Variants in ASMT observed in about 807,000 individuals in gnomAD.
ASMT encodes acetylserotonin O-methyltransferase.
A neutral mutation model predicts 41.3 loss-of-function variants in ASMT; 53 were observed. The observed-to-expected ratio is 1.28, with a 90% CI of 1.03 to 1.61. The LOEUF (loss-of-function observed/expected upper bound fraction) is 1.61. ASMT is among the 40% of genes most tolerant of loss of function. The probability of loss-of-function intolerance (pLI) is 0.00; values close to 1 mark genes in which losing one functional copy is unlikely to be tolerated. For synonymous variants in ASMT, 231 were observed against 184.8 expected, an observed-to-expected ratio of 1.25 and a Z score of -2.03; for missense variants, 531 against 441.3, an observed-to-expected ratio of 1.20 and a Z score of -1.82.
At chrX:1,636,705 C>G (rs1934979649) in intron 8 of ASMT, 145 bp downstream of exon 8, 9 of 1,257,840 alleles carry the variant, frequency 7.2e-6, no homozygotes, top group Middle Eastern at 2.7e-4. Flanking sequence ...AGATAACGAC[C>G]TGAAATAAAT....
Position 1,636,448 on chromosome X carries a change from C to G in ASMT, c.798C>G (p.Phe266Leu), listed in dbSNP as rs1165450598. Residue 266 changes from phenylalanine to leucine, a missense_variant, in exon 8 of 9, where the codon TTC becomes TTG. Physicochemically the swap from Phe to Leu is conservative, Grantham distance 22. Coordinates refer to ENST00000381241, the MANE Select transcript of ASMT (RefSeq NM_001171038.2). ...TGCCCTGTGTTCCAGGGGATTTCTT[C>G]AAAGACCCTCTTCCGGAAGCTGATC... Reference protein sequence around the residue: ...EQIDFQEGDFFKDPLPEADLY... With the variant: ...EQIDFQEGDFLKDPLPEADLY... 1.2e-6 allele frequency: 2 copies of G among 1,613,896 alleles called. No individual in the cohort carries two copies. The highest frequency in any genetic ancestry group is 1.1e-5 in the South Asian group (1 of 91,072).
At chrX:1,633,374 G>A (rs1344125104) in intron 7 of ASMT, 84 bp downstream of exon 7, 10 of 1,573,370 alleles carry the variant, frequency 6.4e-6, no homozygotes, top group Admixed American at 5.0e-5. Context: ...TGAAGAAGAT[G>A]TGATGTGGTT....
At chrX:1,636,764 A>G (rs1316980323) in intron 8 of ASMT, 1 of 306,038 alleles carries the variant, frequency 3.3e-6, no homozygotes, top group Non-Finnish European at 4.8e-6. Flanking sequence ...AGATGGAAAA[A>G]GTGAAAGGCC....
Position 1,636,972 on chromosome X carries a change from CAT to C in ASMT, c.910+413_910+414del, listed in dbSNP as rs1322587948. ...GTGAGGTCCATCCATCCTGATGGCA[CAT>C]GAGGATGTGGGCACAGCCTCTGTGT... On this transcript the variant is annotated intron_variant, in intron 8 of 8. Transcript: ENST00000381241. Among the ~76,000 whole-genome samples, 81 of 77,858 alleles carry C rather than the reference CAT, an allele frequency of 1.0e-3. 1 individual carries two copies. The highest frequency in any genetic ancestry group is 1.7e-3 in the African/African-American group (29 of 17,452). 51.1% of individuals were successfully genotyped at this position (77,858 alleles called of 152,430 possible).
At chrX:1,630,462 T>C (rs1239810271) in intron 5 of ASMT, among the ~76,000 whole-genome samples, 5 of 152,138 alleles carry the variant, frequency 3.3e-5, no homozygotes, top group Non-Finnish European at 7.4e-5. Flanking sequence ...CGCACCACTC[T>C]GTCAGGCTAA....
Position 1,636,500 on chromosome X carries a change from G to T in ASMT, c.850G>T (p.Asp284Tyr), listed in dbSNP as rs775053087. The stretch of plus-strand genomic sequence containing the variant: ...GTACATCCTGGCCAGGGTCCTCCAT[G>T]ACTGGGCAGACGGAAAGTGCTCACA... Reference protein sequence around the residue: ...DLYILARVLHDWADGKCSHLL... With the variant: ...DLYILARVLHYWADGKCSHLL... Residue 284 changes from aspartate to tyrosine, a missense_variant, in exon 8 of 9, where the codon GAC (aspartate) becomes TAC (tyrosine). Asp to Tyr is a radical substitution (Grantham distance 160). Coordinates refer to ENST00000381241, the MANE Select transcript of ASMT (RefSeq NM_001171038.2). 11 of 1,613,928 alleles carry T rather than the reference G, an allele frequency of 6.8e-6. No homozygotes were observed. Among genetic ancestry groups the T allele is most frequent in the Non-Finnish European group, 9.3e-6 (11 of 1,179,874 alleles).
chrX:1,642,616 C>T (rs751786627), intron 8 of ASMT, among the ~76,000 whole-genome samples, 187 bp from the exon 9 acceptor site: 1 of 152,160 alleles, frequency 6.6e-6, no homozygotes, highest in East Asian at 1.9e-4. Flanking sequence ...GGGACAGTGT[C>T]CCAGCGTCCT....
intron 7 of ASMT, among the ~76,000 whole-genome samples, chrX:1,636,040 C>T (rs1934946820): frequency 6.7e-6 from 1 of 150,188 alleles, no homozygotes; most frequent in South Asian, 2.1e-4. Context: ...ACTGCAAGCT[C>T]CGCCTCCCGG....
chrX:1,640,511 G>T (rs1603461896), intron 8 of ASMT, among the ~76,000 whole-genome samples: 1 of 58,742 alleles, frequency 1.7e-5, no homozygotes, highest in Non-Finnish European at 2.8e-5. Context: ...GATGCTTCAT[G>T]AGGACGTGGG....
intron 4 of ASMT, among the ~76,000 whole-genome samples, chrX:1,629,013 G>A (rs1420669768): frequency 7.1e-6 from 1 of 140,426 alleles, no homozygotes; most frequent in Non-Finnish European, 1.5e-5. Context: ...CCTTCTGCCT[G>A]CCTTCCTTCC....
intron 5 of ASMT, among the ~76,000 whole-genome samples, chrX:1,631,117 T>C (rs1199482864): frequency 2.6e-5 from 4 of 151,204 alleles, no homozygotes; most frequent in African/African-American, 9.7e-5. Context: ...GGTTTCTCCG[T>C]GTTAGCCAGG....
intron 7 of ASMT, among the ~76,000 whole-genome samples, chrX:1,633,891 G>C (rs1265224277): frequency 6.6e-6 from 1 of 151,986 alleles, no homozygotes; most frequent in Non-Finnish European, 1.5e-5. Context: ...GCCCACCTTG[G>C]CCTCCCAAAG....
intron 4 of ASMT, among the ~76,000 whole-genome samples, chrX:1,629,036 C>T (rs36141425): frequency 0.17 from 24,246 of 146,190 alleles, 2,034 homozygotes; most frequent in Middle Eastern, 0.27. Flanking sequence ...CCCTCCCTCC[C>T]TCCTTTCTTT....
chrX:1,633,800 G>A (rs771754600), intron 7 of ASMT, among the ~76,000 whole-genome samples: 5 of 151,984 alleles, frequency 3.3e-5, no homozygotes, highest in East Asian at 3.9e-4. Flanking sequence ...CACCACACCT[G>A]GCTAATCTTT....
rs376310694 is a variant in ASMT at position 1,615,233 on chromosome X, C to G, written c.34C>G (p.Leu12Val). 5 of 1,599,180 alleles carry G rather than the reference C, an allele frequency of 3.1e-6. No individual in the cohort carries two copies. In the African/African-American group the frequency reaches 4.0e-5, roughly 13 times the overall value. ...CTCAGAGGACCAGGCCTATCGCCTC[C>G]TTAATGACTACGCCAACGGCTTCAT... is the stretch of plus-strand genomic sequence containing the variant. Reference protein sequence around the residue: ...GSSEDQAYRLLNDYANGFMVS... With the variant: ...GSSEDQAYRLVNDYANGFMVS... Residue 12 changes from leucine to valine, a missense_variant, in exon 1 of 9, where the codon CTT becomes GTT. Transcript: ENST00000381241.
chrX:1,624,174 A>G (rs1934437799), intron 2 of ASMT, 95 bp from the exon 3 acceptor site: 2 of 1,482,294 alleles, frequency 1.3e-6, no homozygotes, highest in Non-Finnish European at 1.9e-6. Flanking sequence ...GCTTGTAATC[A>G]TGTTGAAATC....
chrX:1,628,552 C>A, intron 4 of ASMT, among the ~76,000 whole-genome samples: 1 of 152,094 alleles, frequency 6.6e-6, no homozygotes, highest in African/African-American at 2.4e-5. Flanking sequence ...CAAGGGGATG[C>A]CTGAGTGGTT....
Position 1,615,074 on chromosome X carries a change from A to G in ASMT, c.-126A>G, listed in dbSNP as rs1374008974. 1 of 775,818 alleles carries G rather than the reference A, an allele frequency of 1.3e-6. No individual in the cohort carries two copies. Among genetic ancestry groups the G allele is most frequent in the African/African-American group, 1.7e-5 (1 of 58,742 alleles). The allele number at this position is 775,818 out of a possible 1,614,324, so 48.1% of individuals were successfully genotyped here. A position where few individuals can be genotyped will look rare whatever the true frequency, so the allele number is the denominator to read the frequency against. On this transcript the variant is annotated 5_prime_UTR_variant, in exon 1 of 9. Transcript: ENST00000381241. Reference sequence around the variant, plus strand: ...ATCCGTCTTTGTTTGAGTACTGGGCAGGCAGCAGGGAGAGTCAGGCAGCAG... The same window carrying G: ...ATCCGTCTTTGTTTGAGTACTGGGCGGGCAGCAGGGAGAGTCAGGCAGCAG...
intron 1 of ASMT, among the ~76,000 whole-genome samples, chrX:1,622,400 C>T (rs574258001): frequency 6.6e-6 from 1 of 151,800 alleles, no homozygotes; most frequent in African/African-American, 2.4e-5. Context: ...AAGCGATTCT[C>T]CTGCCTCAGC....
Sources: allele counts gnomAD v4.1 joint callset (sites outside exome capture counted in the v4.1 genomes callset), GRCh38; gene constraint gnomAD v4.1.1; transcripts MANE v1.5; gene names NCBI Gene and HGNC (gene_info 2026-07-23, HGNC 2026-07-21).